ZNF800: variants seen among roughly 807,000 people sequenced by gnomAD.
ZNF800 encodes zinc finger protein 800.
Under a neutral mutation model 59.5 loss-of-function variants are expected in ZNF800, and 13 were observed. That is an observed-to-expected ratio of 0.22 (90% CI 0.14 to 0.35). The LOEUF (loss-of-function observed/expected upper bound fraction) is 0.35, where lower values mean the gene tolerates loss of function less well. Ranked by LOEUF, ZNF800 falls within the 10% of genes least tolerant of loss-of-function variation. The probability of loss-of-function intolerance (pLI) is 1.00; values close to 1 mark genes in which losing one functional copy is unlikely to be tolerated. For missense variants in ZNF800, 621 were observed against 783.7 expected, an observed-to-expected ratio of 0.79 and a Z score of 2.48; for synonymous variants, 266 against 265.7, an observed-to-expected ratio of 1.00 and a Z score of -0.01.
Position 127,392,223 on chromosome 7 carries a change from C to G in ZNF800, c.-222G>C. Reference sequence around the variant, plus strand: ...CGGGCCCGACGCGCTCCCAAAGAGTCCCCGCCGGCGCTGACGCGGAAGCGC... The same window carrying G: ...CGGGCCCGACGCGCTCCCAAAGAGTGCCCGCCGGCGCTGACGCGGAAGCGC... On this transcript the variant is annotated 5_prime_UTR_variant, in exon 1 of 6. Coordinates refer to ENST00000265827, the MANE Select transcript of ZNF800 (RefSeq NM_176814.5). 2.5e-6 allele frequency: 1 copy of G among 394,550 alleles called. No individual in the cohort carries two copies. Among genetic ancestry groups the G allele is most frequent in the Non-Finnish European group, 4.5e-6 (1 of 223,310 alleles). 24.4% of individuals were successfully genotyped at this position (394,550 alleles called of 1,614,324 possible).
In ZNF800 at chr7:127,373,488, A is replaced by C; in HGVS notation, c.1848T>G (p.Ser616=). The change falls in exon 5 of 6, where the codon TCT becomes TCG. Residue 616 remains serine (S), a synonymous_variant. Coordinates refer to ENST00000265827, the MANE Select transcript of ZNF800 (RefSeq NM_176814.5). ...GIEVKVTKNF[S]LHRCNKCGKA... ...TTCCACATTTATTGCATCTGTGAAGAGAAAAGTTTTTTGTGACTTTTACTT... is the reference window on the plus strand; with the variant it reads ...TTCCACATTTATTGCATCTGTGAAGCGAAAAGTTTTTTGTGACTTTTACTT... The C allele has an allele frequency of 6.2e-7, 1 of 1,614,156 alleles. No individual in the cohort carries two copies. The highest frequency in any genetic ancestry group is 8.5e-7 in the Non-Finnish European group (1 of 1,180,008).
chr7:127,379,341 A>G (rs1800885444), intron 3 of ZNF800, among the ~76,000 whole-genome samples: 1 of 152,166 alleles, frequency 6.6e-6, no homozygotes, highest in African/African-American at 2.4e-5. Context: ...GTAGGTGAGC[A>G]TAGTAGCAGT....
At chr7:127,388,871 CT>C (rs1408565375) in intron 2 of ZNF800, among the ~76,000 whole-genome samples, 1 of 152,180 alleles carries the variant, frequency 6.6e-6, no homozygotes, top group African/African-American at 2.4e-5. Context: ...ATACTCTCAA[CT>C]CTAGAAAACT....
chr7:127,381,819 T>C lies in ZNF800; in HGVS notation c.157+4241A>G, dbSNP rs571505013. Among the ~76,000 whole-genome samples the C allele has an allele frequency of 3.3e-5, 5 of 152,210 alleles. No individual in the cohort carries two copies. In the South Asian group the frequency reaches 6.2e-4, roughly 19 times the overall value. ...CCATCATAGGTATGGCACTCTCCTA[T>C]GTACCTCAGAAAAATCACGTCCACC... On this transcript the variant is annotated intron_variant, in intron 3 of 5. Coordinates refer to ENST00000265827, the MANE Select transcript of ZNF800 (RefSeq NM_176814.5).
At chr7:127,388,111 A>T (rs1433749007) in intron 2 of ZNF800, among the ~76,000 whole-genome samples, 1 of 152,134 alleles carries the variant, frequency 6.6e-6, no homozygotes, top group Non-Finnish European at 1.5e-5. Context: ...TCTAAAATGG[A>T]GATTTTCACA....
intron 2 of ZNF800, 44 bp from the exon 3 acceptor site, chr7:127,386,199 G>T: frequency 8.0e-7 from 1 of 1,245,298 alleles, no homozygotes; most frequent in South Asian, 1.3e-5. Context: ...ACAAAAAAAG[G>T]GTTATTTAAA....
intron 1 of ZNF800, among the ~76,000 whole-genome samples, chr7:127,358,781 G>T (rs1427813662): frequency 6.6e-6 from 1 of 152,090 alleles, no homozygotes; most frequent in Non-Finnish European, 1.5e-5. Flanking sequence ...AAGAGGAACT[G>T]CATTGCTTGT....
At chr7:127,345,207 A>T (rs914564241), downstream of ZNF800, among the ~76,000 whole-genome samples, 4 of 152,072 alleles carry the variant, frequency 2.6e-5, no homozygotes, top group Admixed American at 1.3e-4. Flanking sequence ...TGTGTCAAAT[A>T]TTGTGCTACA....
Position 127,371,721 on chromosome 7 carries a change from G to A in ZNF800, c.*93C>T. On this transcript the variant is annotated 3_prime_UTR_variant, in exon 6 of 6. Coordinates refer to ENST00000265827, the MANE Select transcript of ZNF800 (RefSeq NM_176814.5). ...AAATGTTTTTCTTTTTTTCCTCATAGTACCATTTGAAGATGTTTAGTGGTT... is the reference window on the plus strand; with the variant it reads ...AAATGTTTTTCTTTTTTTCCTCATAATACCATTTGAAGATGTTTAGTGGTT... The A allele has an allele frequency of 1.5e-6, 1 of 666,114 alleles. No homozygotes were observed. The highest frequency in any genetic ancestry group is 2.8e-6 in the Non-Finnish European group (1 of 362,920). The allele number at this position is 666,114 out of a possible 1,614,324, so 41.3% of individuals were successfully genotyped here.
At chr7:127,367,673 AGAT>A (rs1311590142), downstream of ZNF800, among the ~76,000 whole-genome samples, 1 of 152,212 alleles carries the variant, frequency 6.6e-6, no homozygotes, top group East Asian at 1.9e-4. Context: ...AATATTGAGA[AGAT>A]AAAATGTTAA....
At chr7:127,359,996 C>T (rs770847329) in intron 1 of ZNF800, 29 of 151,772 alleles carry the variant, frequency 1.9e-4, no homozygotes, top group Non-Finnish European at 4.0e-4. Flanking sequence ...GGATCACACA[C>T]CATCAGCACG....
At chr7:127,367,323 G>GCATAA (rs1036489270), downstream of ZNF800, among the ~76,000 whole-genome samples, 5 of 152,080 alleles carry the variant, frequency 3.3e-5, no homozygotes, top group African/African-American at 1.2e-4. Flanking sequence ...CAAAAAAAGA[G>GCATAA]CATAACATAA....
downstream of ZNF800, among the ~76,000 whole-genome samples, chr7:127,344,531 A>G (rs2116996436): frequency 6.6e-6 from 1 of 152,206 alleles, no homozygotes; most frequent in Non-Finnish European, 1.5e-5. Context: ...ACTGAAGCTT[A>G]TCTGCGAGAA....
chr7:127,372,623 A>T, intron 5 of ZNF800: 1 of 984,866 alleles, frequency 1.0e-6, no homozygotes, highest in South Asian at 4.7e-5. Flanking sequence ...TATTAAAAAG[A>T]GAGGGGAAGC....
chr7:127,367,043 T>G (rs531904057), downstream of ZNF800, among the ~76,000 whole-genome samples: 1 of 152,226 alleles, frequency 6.6e-6, no homozygotes, highest in Admixed American at 6.6e-5. Context: ...TAAAACAAAA[T>G]AAAGCAGAGT....
Position 127,386,050 on chromosome 7 carries a change from A to T in ZNF800, c.157+10T>A, listed in dbSNP as rs772039053. ...TGAAGATTGAAAAATATATCCTAAA[A>T]CATTCATACCTGATCGAAAGCACTC... On this transcript the variant is annotated intron_variant, in intron 3 of 5. Transcript: ENST00000265827. 6.9e-6 allele frequency: 11 copies of T among 1,590,556 alleles called. No homozygotes were observed. In the Admixed American group the frequency reaches 1.9e-4, roughly 27 times the overall value.
chr7:127,385,301 G>A (rs1033101551), intron 3 of ZNF800, among the ~76,000 whole-genome samples: 1 of 152,122 alleles, frequency 6.6e-6, no homozygotes, highest in Non-Finnish European at 1.5e-5. Context: ...TGAATACTCT[G>A]TAATGTCAGA....
At chr7:127,358,156 C>T (rs6957320) in intron 1 of ZNF800, among the ~76,000 whole-genome samples, 101,861 of 151,608 alleles carry the variant, frequency 0.67, 35,067 homozygotes, top group East Asian at 0.88. Flanking sequence ...ACTCAACATA[C>T]CTAAAACTTA....
In ZNF800 at chr7:127,374,005, G is replaced by A. The variant is rs764545727; in HGVS notation, c.1331C>T (p.Pro444Leu). The A allele has an allele frequency of 1.2e-4, 187 of 1,613,746 alleles. No homozygotes were observed. Among genetic ancestry groups the A allele is most frequent in the Admixed American group, 3.5e-4 (21 of 59,914 alleles). ...TTTAACTTTATTTTTCTGTGCTGCC[G>A]GTGTGTTCTTTTTTTCATTTGAATG... ...TNHSNEKKNT[P>L]AAQKNKVKQD... Residue 444 changes from proline (P) to leucine (L), a missense_variant, in exon 5 of 6, where the codon CCG becomes CTG. Coordinates refer to ENST00000265827, the MANE Select transcript of ZNF800 (RefSeq NM_176814.5).
Sources: gnomAD v4.1 joint callset for allele counts (sites outside exome capture counted in the v4.1 genomes callset) on GRCh38, gnomAD v4.1.1 for gene constraint, MANE v1.5 for transcripts, NCBI Gene and HGNC (gene_info 2026-07-23, HGNC 2026-07-21) for gene names.